SGTA: variants seen among roughly 807,000 people sequenced by gnomAD.
SGTA encodes small glutamine rich tetratricopeptide repeat co-chaperone alpha.
Under a neutral mutation model 44.3 loss-of-function variants are expected in SGTA, and 22 were observed. That is an observed-to-expected ratio of 0.50 (90% confidence interval 0.36 to 0.71). The LOEUF is 0.71. SGTA is among the 30% of genes least tolerant of loss of function. The pLI, the probability that SGTA is intolerant of heterozygous loss-of-function variation, is 0.00. For synonymous variants in SGTA, 174 were observed against 177.6 expected, an observed-to-expected ratio of 0.98 and a Z score of 0.16; for missense variants, 341 against 435.9, an observed-to-expected ratio of 0.78 and a Z score of 1.94.
Position 2,755,145 on chromosome 19 carries a change from GAC to G in SGTA, c.*793_*794del, listed in dbSNP as rs1914784460. ...CAGAAGGACAGCAGGATGGGACACA[GAC>G]AGAAACGGCCCAGCTGCCTTCCCTG... is the stretch of plus-strand genomic sequence containing the variant. On this transcript the variant is annotated 3_prime_UTR_variant, in exon 12 of 12. Coordinates refer to ENST00000221566, the MANE Select transcript of SGTA (RefSeq NM_003021.4). The surrounding 1 kb of genome is among the most constrained non-coding windows in gnomAD (Gnocchi z 5.2). 2 of 152,964 alleles carry G rather than the reference GAC, an allele frequency of 1.3e-5. 1 individual carries two copies. The highest frequency in any genetic ancestry group is 1.3e-4 in the Admixed American group (2 of 15,288). 9.5% of individuals were successfully genotyped at this position (152,964 alleles called of 1,614,324 possible). A position where few individuals can be genotyped will look rare whatever the true frequency, so the allele number is the denominator to read the frequency against.
At chr19:2,776,264 GACA>G (rs1226795714) in intron 1 of SGTA, among the ~76,000 whole-genome samples, 1 of 152,224 alleles carries the variant, frequency 6.6e-6, no homozygotes. Context: ...AGCACGTTTT[GACA>G]ACAGCATTAC....
chr19:2,757,589 T>C (rs765126189), intron 10 of SGTA, 104 bp downstream of exon 10: 2 of 1,454,444 alleles, frequency 1.4e-6, no homozygotes, highest in Non-Finnish European at 1.8e-6. Flanking sequence ...CGCTGGGCCC[T>C]TCGGAGCAGG....
chr19:2,780,854 G>C (rs1260020448), intron 1 of SGTA, among the ~76,000 whole-genome samples: 1 of 152,190 alleles, frequency 6.6e-6, no homozygotes, highest in African/African-American at 2.4e-5. Context: ...TGGAGGCCAA[G>C]GTGGAGGATC....
intron 1 of SGTA, among the ~76,000 whole-genome samples, chr19:2,771,580 G>GC (rs912929507): frequency 2.0e-5 from 3 of 151,714 alleles, no homozygotes; most frequent in East Asian, 3.9e-4. Flanking sequence ...CCCATCGGGG[G>GC]GGGGGGGAGG....
chr19:2,766,030 A>G (rs139523859), intron 4 of SGTA, among the ~76,000 whole-genome samples: 145 of 152,286 alleles, frequency 9.5e-4, no homozygotes, highest in Non-Finnish European at 1.8e-3. Context: ...CATCCTGGCC[A>G]ACACAGTGAA....
intron 8 of SGTA, among the ~76,000 whole-genome samples, chr19:2,760,811 G>A (rs1914968855): frequency 6.6e-6 from 1 of 152,176 alleles, no homozygotes; most frequent in Admixed American, 6.5e-5. Flanking sequence ...CTGACTGACA[G>A]TGAGACTGAG....
chr19:2,764,293 C>A (rs1300823824), intron 5 of SGTA, among the ~76,000 whole-genome samples: 1 of 152,194 alleles, frequency 6.6e-6, no homozygotes, highest in African/African-American at 2.4e-5. Context: ...TGAAGCAGAT[C>A]CAAGACCACA....
chr19:2,757,307 A>AC, intron 11 of SGTA, 30 bp downstream of exon 11: 4 of 1,593,620 alleles, frequency 2.5e-6, no homozygotes, highest in African/African-American at 1.3e-5. Flanking sequence ...CCTGCTGGCC[A>AC]CCCCCCAGCC....
chr19:2,762,619 G>A lies in SGTA; in HGVS notation c.523C>T (p.His175Tyr). ...MGLALSSLNK[H>Y]VEAVAYYKKA... ...TTGTAGTAAGCCACGGCCTCCACGTGCTTGTTGAGGCTGGAGAGCGCCAGG... is the reference window on the plus strand; with the variant it reads ...TTGTAGTAAGCCACGGCCTCCACGTACTTGTTGAGGCTGGAGAGCGCCAGG... The change falls in exon 7 of 12, where the codon CAC (histidine) becomes TAC (tyrosine). Residue 175 changes from histidine (H) to tyrosine (Y), a missense_variant. Coordinates refer to ENST00000221566, the MANE Select transcript of SGTA (RefSeq NM_003021.4). The A allele has an allele frequency of 6.2e-7, 1 of 1,614,042 alleles. No individual in the cohort carries two copies. Among genetic ancestry groups the A allele is most frequent in the East Asian group, 2.2e-5 (1 of 44,878 alleles).
chr19:2,758,134 G>C (rs1651809000), intron 9 of SGTA, among the ~76,000 whole-genome samples: 1 of 152,346 alleles, frequency 6.6e-6, no homozygotes, highest in East Asian at 1.9e-4. Flanking sequence ...ATGGAGGCTA[G>C]AGACAGTGCT....
intron 8 of SGTA, 147 bp from the exon 9 acceptor site, chr19:2,759,441 C>G (rs1218688660): frequency 1.4e-6 from 1 of 707,736 alleles, no homozygotes; most frequent in African/African-American, 1.8e-5. Flanking sequence ...CTTTCATACC[C>G]TTTTCCCTAC....
At chr19:2,760,388 G>C (rs564574852) in intron 8 of SGTA, among the ~76,000 whole-genome samples, 3 of 151,494 alleles carry the variant, frequency 2.0e-5, no homozygotes, top group East Asian at 2.0e-4. Context: ...CATGGTGGTG[G>C]GCACCTGTAA....
rs1369473113 is a variant in SGTA, at chr19:2,765,130, C to T, written c.392+56G>A. ...CATCTCAGGTCCCTGCTAAGCATCC[C>T]GGAGGACGCCCCCGCACCCGGCCGC... On this transcript the variant is annotated intron_variant, in intron 5 of 11. Transcript: ENST00000221566. This position sits in a 1 kb window ranked among gnomAD's most constrained non-coding sequence, Gnocchi z 5.5. The T allele has an allele frequency of 2.4e-5, 31 of 1,265,418 alleles. No homozygotes were observed. The highest frequency in any genetic ancestry group is 3.0e-5 in the Non-Finnish European group (26 of 864,032). 78.4% of individuals were successfully genotyped at this position (1,265,418 alleles called of 1,614,324 possible).
chr19:2,767,992 G>T lies in SGTA; in HGVS notation c.101-306C>A, dbSNP rs932617760. On this transcript the variant is annotated intron_variant, in intron 2 of 11. Coordinates refer to ENST00000221566, the MANE Select transcript of SGTA (RefSeq NM_003021.4). The surrounding 1 kb of genome is among the most constrained non-coding windows in gnomAD (Gnocchi z 7.3). ...TGCTGGGGCTGCCCGGCTGCGGCGT[G>T]GTGGGGGCTTGGCCCCACCTGGAGG... is the stretch of plus-strand genomic sequence containing the variant. Among the ~76,000 whole-genome samples, 3 of 152,308 alleles carry T rather than the reference G, an allele frequency of 2.0e-5. No individual in the cohort carries two copies. The highest frequency in any genetic ancestry group is 7.2e-5 in the African/African-American group (3 of 41,564).
chr19:2,767,213 G>A lies in SGTA; in HGVS notation c.215C>T (p.Pro72Leu), dbSNP rs150828273. ...FEAAATGKEM[P>L]QDLRSPARTP... ...TCGCGCGGGGCTCCTCAGGTCCTGC[G>A]GCATCTCCTGGACCCGGAGGCAAAG... is the stretch of plus-strand genomic sequence containing the variant. The change falls in exon 4 of 12, where the codon CCG becomes CTG. Residue 72 changes from proline to leucine, a missense_variant. Physicochemically the swap from Pro to Leu is moderately conservative, Grantham distance 98 (BLOSUM62 -3). Transcript: ENST00000221566. The surrounding 1 kb of genome is among the most constrained non-coding windows in gnomAD (Gnocchi z 7.3). The A allele has an allele frequency of 4.1e-5, 66 of 1,609,414 alleles. No individual in the cohort carries two copies. The African/African-American group carries it at 4.9e-4, about 12-fold the overall frequency.
At chr19:2,760,574 G>A (rs892856898) in intron 8 of SGTA, among the ~76,000 whole-genome samples, 1 of 150,544 alleles carries the variant, frequency 6.6e-6, no homozygotes, top group Non-Finnish European at 1.5e-5. Flanking sequence ...ACCCAGCGGC[G>A]GGCCTTATTC....
intron 1 of SGTA, among the ~76,000 whole-genome samples, chr19:2,782,088 C>T (rs564987134): frequency 3.0e-4 from 46 of 152,186 alleles, no homozygotes; most frequent in African/African-American, 1.1e-3. Flanking sequence ...GTCATCAGCC[C>T]GTATGGTAGG....
chr19:2,757,227 C>T (rs1044914733), intron 11 of SGTA, 110 bp downstream of exon 11: 10 of 1,348,132 alleles, frequency 7.4e-6, no homozygotes, highest in Non-Finnish European at 9.1e-6. Context: ...AGTGTCCAGA[C>T]AGGCTCCACA....
rs531169017 is a variant in SGTA, at chr19:2,754,983, T to C, written c.*957A>G. On this transcript the variant is annotated 3_prime_UTR_variant, in exon 12 of 12. Coordinates refer to ENST00000221566, the MANE Select transcript of SGTA (RefSeq NM_003021.4). This position sits in a 1 kb window ranked among gnomAD's most constrained non-coding sequence, Gnocchi z 4.4. ...TCAGGAACCCAGACAGGCTGCCTGC[T>C]GTCCGGCTCTCCGGCTGCTTTCCTG... 1.3e-5 allele frequency: 2 copies of C among 152,336 alleles called. No homozygotes were observed. The highest frequency in any genetic ancestry group is 1.3e-4 in the Admixed American group (2 of 15,302). 9.4% of individuals were successfully genotyped at this position (152,336 alleles called of 1,614,324 possible).
Sources: gnomAD v4.1 joint callset for allele counts (sites outside exome capture counted in the v4.1 genomes callset) on GRCh38, gnomAD v4.1.1 for gene constraint, Gnocchi (gnomAD v3.1) non-coding constraint, MANE v1.5 for transcripts, NCBI Gene and HGNC (gene_info 2026-07-23, HGNC 2026-07-21) for gene names.